The following TRPM3 variants were observed in gnomAD, a reference collection of about 807,000 sequenced individuals.
TRPM3 encodes transient receptor potential cation channel subfamily M member 3, also known as long transient receptor potential channel 3.
Under a neutral mutation model 181.2 loss-of-function variants are expected in TRPM3, and 77 were observed. The ratio of observed to expected loss-of-function variants is 0.42; its 90% CI spans 0.35 to 0.51. TRPM3 has a LOEUF of 0.51. Among genes scored for constraint, TRPM3 ranks in the 20% least tolerant of loss-of-function variants. The pLI, the probability that TRPM3 is intolerant of heterozygous loss-of-function variation, is 0.01. For missense variants in TRPM3, 1,759 were observed against 2,196.7 expected (o/e 0.80, Z 3.98); for synonymous variants, 745 against 796.4 (o/e 0.94, Z 1.09).
chr9:71,186,621 C>T (rs1328227670), intron 1 of TRPM3, among the ~76,000 whole-genome samples: 2 of 151,866 alleles, frequency 1.3e-5, no homozygotes, highest in Non-Finnish European at 2.9e-5. Flanking sequence ...TCAGCCCAGA[C>T]CAAGTTAGGG....
At chr9:71,190,722 T>C (rs985808600) in intron 1 of TRPM3, among the ~76,000 whole-genome samples, 2 of 151,904 alleles carry the variant, frequency 1.3e-5, no homozygotes, top group Admixed American at 6.6e-5. Context: ...ATACAACTTA[T>C]TGCAGGATGC....
chr9:71,417,782 T>C (rs962389020), intron 1 of TRPM3, among the ~76,000 whole-genome samples: 2 of 152,008 alleles, frequency 1.3e-5, no homozygotes, highest in East Asian at 1.9e-4. Context: ...AAATAGAAGA[T>C]GACATGATTA....
chr9:70,912,910 A>G (rs2096552914), intron 1 of TRPM3, among the ~76,000 whole-genome samples: 1 of 152,198 alleles, frequency 6.6e-6, no homozygotes, highest in South Asian at 2.1e-4. Context: ...ATATATAAAC[A>G]TGACATTATC....
intron 1 of TRPM3, among the ~76,000 whole-genome samples, chr9:71,217,761 A>C (rs17056483): frequency 0.24 from 36,943 of 151,890 alleles, 5,256 homozygotes; most frequent in African/African-American, 0.37. Flanking sequence ...CCAAACAAAC[A>C]AACCTGGTAT....
intron 1 of TRPM3, among the ~76,000 whole-genome samples, chr9:71,365,599 T>C (rs1014835155): frequency 2.0e-5 from 3 of 152,148 alleles, no homozygotes; most frequent in Non-Finnish European, 4.4e-5. Flanking sequence ...AGCTATTTTG[T>C]CACCCTCCAT....
At chr9:70,892,821 T>C (rs2132875132) in intron 1 of TRPM3, among the ~76,000 whole-genome samples, 1 of 152,286 alleles carries the variant, frequency 6.6e-6, no homozygotes, top group African/African-American at 2.4e-5. Flanking sequence ...ACAACCATAG[T>C]ATGTGGTGAA....
Position 70,683,428 on chromosome 9 carries a change from C to CTTTTTTTTTTTT in TRPM3, c.1273-1862_1273-1851dup, listed in dbSNP as rs575176948. 6.2e-3 allele frequency among the ~76,000 whole-genome samples: 356 copies of CTTTTTTTTTTTT among 57,470 alleles called. 38 individuals carry two copies. Among genetic ancestry groups the CTTTTTTTTTTTT allele is most frequent in the Non-Finnish European group, 9.1e-3 (279 of 30,788 alleles). 37.7% of individuals were successfully genotyped at this position (57,470 alleles called of 152,430 possible). ...CCTTTTCTCTCTTTCTCTCTCTCTC[C>CTTTTTTTTTTTT]TTTTTTTTTTTTTTTTTTTTTTTTT... On this transcript the variant is annotated intron_variant, in intron 8 of 25. Coordinates refer to ENST00000677713, the MANE Select transcript of TRPM3 (RefSeq NM_001366145.2).
intron 1 of TRPM3, among the ~76,000 whole-genome samples, chr9:71,407,612 C>T (rs1314474098): frequency 6.6e-6 from 1 of 152,206 alleles, no homozygotes; most frequent in Non-Finnish European, 1.5e-5. Flanking sequence ...AGCTCAATGA[C>T]ACCTGCCTGC....
At chr9:70,667,348 G>C (rs980346066) in intron 9 of TRPM3, among the ~76,000 whole-genome samples, 2 of 152,126 alleles carry the variant, frequency 1.3e-5, no homozygotes, top group African/African-American at 2.4e-5. Flanking sequence ...TACAGAAAAG[G>C]CTCCTTCCAG....
intron 1 of TRPM3, among the ~76,000 whole-genome samples, chr9:71,218,113 G>A (rs7039341): frequency 0.23 from 35,017 of 152,038 alleles, 4,565 homozygotes; most frequent in African/African-American, 0.33. Flanking sequence ...AAAGGGACGT[G>A]GTTATTTAAA....
chr9:70,535,914 C>A lies in TRPM3; in HGVS notation c.*39G>T, dbSNP rs759790392. ...ACTGGAGTTGGAGAGAATTTTAGGG[C>A]TGGATTCTTGAGCCTTCTGTGGCGG... On this transcript the variant is annotated 3_prime_UTR_variant, in exon 26 of 26. Coordinates refer to ENST00000677713, the MANE Select transcript of TRPM3 (RefSeq NM_001366145.2). The A allele has an allele frequency of 1.3e-6, 2 of 1,535,068 alleles. No individual in the cohort carries two copies. The highest frequency in any genetic ancestry group is 1.7e-6 in the Non-Finnish European group (2 of 1,144,162).
intron 7 of TRPM3, chr9:70,775,132 T>A (rs1482943335): frequency 2.0e-5 from 3 of 152,208 alleles, no homozygotes; most frequent in Admixed American, 6.5e-5. Context: ...ACTGTATCCC[T>A]AGCAGCTGTA....
Position 71,275,228 on chromosome 9 carries a change from AT to A in TRPM3, c.183+171424del, listed in dbSNP as rs574009450. On this transcript the variant is annotated intron_variant, in intron 1 of 24. Transcript: ENST00000357533. ...TTGGATATGAAATAAGTGCAGATAA[AT>A]CATTTCAATTTCTATTCTCCAGCAA... Among the ~76,000 whole-genome samples, 457 of 152,348 alleles carry A rather than the reference AT, an allele frequency of 3.0e-3. 2 individuals carry two copies. The highest frequency in any genetic ancestry group is 5.0e-3 in the Non-Finnish European group (340 of 68,030).
chr9:70,585,062 T>TG (rs2056822518), intron 22 of TRPM3, among the ~76,000 whole-genome samples: 1 of 152,214 alleles, frequency 6.6e-6, no homozygotes, highest in Non-Finnish European at 1.5e-5. Context: ...TCTACTGCAT[T>TG]GTGCTTTCTC....
intron 1 of TRPM3, among the ~76,000 whole-genome samples, chr9:71,196,824 CTG>C (rs1308521422): frequency 1.3e-5 from 2 of 152,006 alleles, no homozygotes; most frequent in Non-Finnish European, 2.9e-5. Context: ...CTCCACAAAA[CTG>C]TTTGCTCTAA....
chr9:70,974,731 A>T (rs1045490172), intron 1 of TRPM3, among the ~76,000 whole-genome samples: 7 of 151,140 alleles, frequency 4.6e-5, no homozygotes, highest in Non-Finnish European at 1.0e-4. Flanking sequence ...TCCATCTCAA[A>T]AATAATAATA....
At chr9:70,799,174 G>A (rs1328739862) in intron 6 of TRPM3, among the ~76,000 whole-genome samples, 1 of 152,178 alleles carries the variant, frequency 6.6e-6, no homozygotes, top group Non-Finnish European at 1.5e-5. Context: ...GAAATGAACA[G>A]GAACTATATG....
intron 1 of TRPM3, among the ~76,000 whole-genome samples, chr9:71,439,171 A>G (rs1401465080): frequency 6.6e-6 from 1 of 152,188 alleles, no homozygotes; most frequent in Non-Finnish European, 1.5e-5. Context: ...AGCTGATTTT[A>G]TTTTCTAAAG....
intron 1 of TRPM3, among the ~76,000 whole-genome samples, chr9:70,967,038 C>CA (rs1157929226): frequency 6.6e-6 from 1 of 150,610 alleles, no homozygotes; most frequent in Non-Finnish European, 1.5e-5. Flanking sequence ...ACAACAAAAA[C>CA]AATAACAGAA....
Sources: allele counts gnomAD v4.1 joint callset (sites outside exome capture counted in the v4.1 genomes callset), GRCh38; gene constraint gnomAD v4.1.1; transcripts MANE v1.5; gene names NCBI Gene and HGNC (gene_info 2026-07-23, HGNC 2026-07-21).